Variants in GNAO1 observed in about 807,000 individuals in gnomAD.
GNAO1 encodes guanine nucleotide-binding protein G(o) subunit alpha.
For missense variants in GNAO1, 166 were observed against 478.7 expected (o/e 0.35, Z 6.10); for synonymous variants, 164 against 180.7 (o/e 0.91, Z 0.74).
At chr16:56,222,887 T>C (rs1392768067) in intron 2 of GNAO1, among the ~76,000 whole-genome samples, 1 of 152,130 alleles carries the variant, frequency 6.6e-6, no homozygotes, top group African/African-American at 2.4e-5. Context: ...GTCCCAGGCA[T>C]GGTGCCTGAT....
intron 2 of GNAO1, among the ~76,000 whole-genome samples, chr16:56,224,790 C>T (rs1466443547): frequency 1.3e-5 from 2 of 152,234 alleles, no homozygotes; most frequent in Admixed American, 1.3e-4. Context: ...TTAGTCTGCC[C>T]ATTTACACTT....
chr16:56,199,914 C>T (rs2036266999), intron 2 of GNAO1, among the ~76,000 whole-genome samples: 1 of 152,044 alleles, frequency 6.6e-6, no homozygotes, highest in Non-Finnish European at 1.5e-5. Flanking sequence ...TAGTTGGTGC[C>T]CTGAATTTGG....
chr16:56,342,084 C>T (rs1358880376), intron 6 of GNAO1, among the ~76,000 whole-genome samples: 1 of 152,228 alleles, frequency 6.6e-6, no homozygotes, highest in Non-Finnish European at 1.5e-5. Context: ...CTCAGCCTCC[C>T]TGGAAGCTCC....
At chr16:56,288,673 T>G (rs2037197928) in intron 3 of GNAO1, among the ~76,000 whole-genome samples, 1 of 152,166 alleles carries the variant, frequency 6.6e-6, no homozygotes, top group African/African-American at 2.4e-5. Flanking sequence ...TGCGTTACTT[T>G]CTGGCCTCTG....
At chr16:56,223,310 A>G (rs755512225) in intron 2 of GNAO1, among the ~76,000 whole-genome samples, 50 of 152,200 alleles carry the variant, frequency 3.3e-4, no homozygotes, top group African/African-American at 1.2e-3. Flanking sequence ...ATCTTGGCAG[A>G]GGCCCCTGCT....
At chr16:56,282,034 C>G (rs1183168903) in intron 3 of GNAO1, among the ~76,000 whole-genome samples, 1 of 152,178 alleles carries the variant, frequency 6.6e-6, no homozygotes, top group Non-Finnish European at 1.5e-5. Context: ...TGAAAATACT[C>G]CAGTTTTCAT....
At chr16:56,286,896 G>A (rs1275035500) in intron 3 of GNAO1, among the ~76,000 whole-genome samples, 3 of 152,230 alleles carry the variant, frequency 2.0e-5, no homozygotes, top group Non-Finnish European at 2.9e-5. Context: ...AATGGGTGCT[G>A]GGGAGGCCAC....
intron 2 of GNAO1, among the ~76,000 whole-genome samples, chr16:56,247,150 G>A (rs2036753959): frequency 6.6e-6 from 1 of 152,142 alleles, no homozygotes; most frequent in Non-Finnish European, 1.5e-5. Context: ...AGCTACCCAG[G>A]TCAGCATGGC....
At chr16:56,196,582 G>C (rs1265247890) in intron 2 of GNAO1, among the ~76,000 whole-genome samples, 1 of 152,200 alleles carries the variant, frequency 6.6e-6, no homozygotes, top group African/African-American at 2.4e-5. Flanking sequence ...ATGTAAAATG[G>C]ACTGCGGAAT....
intron 2 of GNAO1, among the ~76,000 whole-genome samples, chr16:56,275,437 G>T (rs1424148492): frequency 6.6e-6 from 1 of 152,310 alleles, no homozygotes; most frequent in Admixed American, 6.5e-5. Context: ...TGTTGTCAAA[G>T]ATAAAGATGG....
At chr16:56,247,925 T>C (rs1465950552) in intron 2 of GNAO1, among the ~76,000 whole-genome samples, 2 of 152,238 alleles carry the variant, frequency 1.3e-5, no homozygotes, top group African/African-American at 2.4e-5. Flanking sequence ...AAAACAATTA[T>C]GATACTGAAT....
intron 3 of GNAO1, among the ~76,000 whole-genome samples, chr16:56,324,035 G>A (rs190326013): frequency 3.8e-3 from 576 of 152,290 alleles, no homozygotes; most frequent in Middle Eastern, 0.014. Flanking sequence ...GGGGGCCAGG[G>A]GGTGTTGCTG....
intron 3 of GNAO1, among the ~76,000 whole-genome samples, chr16:56,327,897 C>A (rs931287973): frequency 6.6e-6 from 1 of 152,106 alleles, no homozygotes; most frequent in South Asian, 2.1e-4. Flanking sequence ...CCCCTGCCCC[C>A]AGAGAAAGGT....
chr16:56,245,979 G>T lies in GNAO1; in HGVS notation c.162-29952G>T, dbSNP rs532337149. Among the ~76,000 whole-genome samples, 8 of 152,298 alleles carry T rather than the reference G, an allele frequency of 5.3e-5. No homozygotes were observed. The South Asian group carries it at 1.2e-3, about 24-fold the overall frequency. ...TCAAACTCGGATCTTAATGTTTCCA[G>T]AGCCCACACCCATAATTACTGCCCT... On this transcript the variant is annotated intron_variant, in intron 2 of 8. Coordinates refer to ENST00000262493, the MANE Select transcript of GNAO1 (RefSeq NM_020988.3).
chr16:56,211,316 A>G (rs1188807216), intron 2 of GNAO1, among the ~76,000 whole-genome samples: 2 of 152,224 alleles, frequency 1.3e-5, no homozygotes, highest in Non-Finnish European at 2.9e-5. Context: ...CACTGAAAGA[A>G]CAGTCTACGG....
At chr16:56,215,695 A>G (rs745390066) in intron 2 of GNAO1, among the ~76,000 whole-genome samples, 5 of 152,232 alleles carry the variant, frequency 3.3e-5, no homozygotes, top group Non-Finnish European at 5.9e-5. Flanking sequence ...CATTTACATA[A>G]TAAGTAGAGT....
At chr16:56,317,554 A>G (rs1419262192) in intron 3 of GNAO1, among the ~76,000 whole-genome samples, 1 of 152,154 alleles carries the variant, frequency 6.6e-6, no homozygotes, top group African/African-American at 2.4e-5. Context: ...ACTAAGGGAT[A>G]GATAGATGCC....
chr16:56,342,841 G>T (rs541938902), intron 6 of GNAO1, among the ~76,000 whole-genome samples: 1 of 152,342 alleles, frequency 6.6e-6, no homozygotes, highest in Admixed American at 6.5e-5. Flanking sequence ...GGCTGGGCAT[G>T]GTGGCTCACA....
chr16:56,249,458 C>T (rs114018866), intron 2 of GNAO1, among the ~76,000 whole-genome samples: 120 of 152,190 alleles, frequency 7.9e-4, no homozygotes, highest in African/African-American at 2.7e-3. Flanking sequence ...CAGGCATATC[C>T]ACTGGGGAGG....
Sources: allele counts gnomAD v4.1 joint callset (sites outside exome capture counted in the v4.1 genomes callset), GRCh38; gene constraint gnomAD v4.1.1; transcripts MANE v1.5; gene names NCBI Gene and HGNC (gene_info 2026-07-23, HGNC 2026-07-21).